The following ADGRF5 variants were observed in gnomAD, a reference collection of about 807,000 sequenced individuals.
ADGRF5 encodes the protein G-protein coupled receptor 116.
ADGRF5 carries 75 observed loss-of-function variants against 132.3 expected under a neutral mutation model. The ratio of observed to expected loss-of-function variants is 0.57; its 90% CI spans 0.47 to 0.69. ADGRF5 has a LOEUF of 0.69. Among genes scored for constraint, ADGRF5 ranks in the 30% least tolerant of loss-of-function variants. The pLI, the probability that ADGRF5 is intolerant of heterozygous loss-of-function variation, is 0.00. For missense variants in ADGRF5, 1,516 were observed against 1,630.6 expected (o/e 0.93, Z 1.21); for synonymous variants, 629 against 597.6 (o/e 1.05, Z -0.77).
intron 1 of ADGRF5, among the ~76,000 whole-genome samples, chr6:46,915,121 G>A (rs969298013): frequency 6.6e-6 from 1 of 151,980 alleles, no homozygotes; most frequent in Middle Eastern, 3.2e-3. Context: ...CTCCCAAAGT[G>A]CTGGGATTAT....
intron 1 of ADGRF5, among the ~76,000 whole-genome samples, chr6:46,920,143 T>C (rs1776788167): frequency 6.6e-6 from 1 of 152,246 alleles, no homozygotes; most frequent in Admixed American, 6.5e-5. Context: ...TGTTATTTTA[T>C]CTTCTCCCCT....
rs868314125 is a variant in ADGRF5 at position 46,910,449 on chromosome 6, C to T, written c.-24-3663G>A. Among the ~76,000 whole-genome samples, 3 of 152,200 alleles carry T rather than the reference C, an allele frequency of 2.0e-5. No homozygotes were observed. In the East Asian group the frequency reaches 5.8e-4, roughly 29 times the overall value. Reference sequence around the variant, plus strand: ...TGTAGGAGTCCTGTCTTACTGGGTGCTCACTATATTCTAGGTCTGCTGCTG... The same window carrying T: ...TGTAGGAGTCCTGTCTTACTGGGTGTTCACTATATTCTAGGTCTGCTGCTG... On this transcript the variant is annotated intron_variant, in intron 1 of 20. Coordinates refer to ENST00000283296, the MANE Select transcript of ADGRF5 (RefSeq NM_001098518.2).
At chr6:46,881,381 T>C in intron 8 of ADGRF5, 74 bp downstream of exon 8, 1 of 1,319,428 alleles carries the variant, frequency 7.6e-7, no homozygotes, top group Non-Finnish European at 1.1e-6. Context: ...CAGAGGACAT[T>C]GTAGCATAAA....
intron 14 of ADGRF5, 80 bp downstream of exon 14, chr6:46,864,962 G>T: frequency 1.1e-6 from 1 of 912,948 alleles, no homozygotes; most frequent in Non-Finnish European, 1.7e-6. Context: ...TTTATTGAAT[G>T]GGGATGAATG....
rs754995009 is a variant in ADGRF5 at position 46,856,775 on chromosome 6, T to C, written c.3819A>G (p.Val1273=). ...LLFGCLWDLK[V]QEALLNKFSL... is the part of the protein sequence containing the mutation. Reference sequence around the variant, plus strand: ...AAAACTTATTCAGCAAAGCTTCCTGTACCTGCATTGTTAAAAAGAAGCTAT... The same window carrying C: ...AAAACTTATTCAGCAAAGCTTCCTGCACCTGCATTGTTAAAAAGAAGCTAT... The change falls in exon 19 of 21, where the codon GTA becomes GTG. Residue 1273 remains valine, a splice_region_variant and synonymous_variant. Transcript: ENST00000283296. 1.3e-6 allele frequency: 2 copies of C among 1,593,960 alleles called. No individual in the cohort carries two copies. Among genetic ancestry groups the C allele is most frequent in the South Asian group, 1.1e-5 (1 of 90,522 alleles).
At chr6:46,945,116 A>G (rs1167531795) in intron 1 of ADGRF5, among the ~76,000 whole-genome samples, 1 of 152,216 alleles carries the variant, frequency 6.6e-6, no homozygotes. Flanking sequence ...CCTCAGGTGC[A>G]TGAATATGCA....
intron 4 of ADGRF5, 89 bp downstream of exon 4, chr6:46,888,246 G>A: frequency 1.1e-6 from 1 of 924,308 alleles, no homozygotes; most frequent in Non-Finnish European, 1.7e-6. Context: ...TGCCTACTAA[G>A]TAAAAGATTG....
At chr6:46,896,231 T>C (rs112686483) in intron 3 of ADGRF5, among the ~76,000 whole-genome samples, 374 of 152,322 alleles carry the variant, frequency 2.5e-3, no homozygotes, top group African/African-American at 8.2e-3. Flanking sequence ...ATCCAGAATC[T>C]ACTTCCTGAT....
intron 20 of ADGRF5, chr6:46,854,753 G>A (rs1370102715): frequency 4.7e-5 from 60 of 1,286,952 alleles, no homozygotes; most frequent in Middle Eastern, 3.2e-4. Context: ...CAAGGTTTCC[G>A]TCATGGCCTG....
At chr6:46,926,552 T>C (rs1440335188), upstream of ADGRF5, among the ~76,000 whole-genome samples, 2 of 152,138 alleles carry the variant, frequency 1.3e-5, no homozygotes, top group African/African-American at 4.8e-5. Flanking sequence ...TTGACCCTTA[T>C]TGATCTATCC....
chr6:46,903,740 C>A (rs1426710344), intron 2 of ADGRF5, among the ~76,000 whole-genome samples: 1 of 152,098 alleles, frequency 6.6e-6, no homozygotes, highest in Non-Finnish European at 1.5e-5. Flanking sequence ...CTCACATAAG[C>A]ATATTCAGAG....
At chr6:46,941,899 C>T (rs1396222681) in intron 1 of ADGRF5, among the ~76,000 whole-genome samples, 4 of 152,250 alleles carry the variant, frequency 2.6e-5, no homozygotes, top group Admixed American at 6.5e-5. Flanking sequence ...TTTTCTCTTC[C>T]GCTTTATTGA....
chr6:46,877,265 T>TTCTTTCTG (rs1771816386), intron 10 of ADGRF5, among the ~76,000 whole-genome samples: 1 of 38,900 alleles, frequency 2.6e-5, no homozygotes, highest in Non-Finnish European at 4.9e-5. Context: ...CTTTCTTTCT[T>TTCTTTCTG]TCTTTCTTTC....
At chr6:46,890,264 T>C (rs1040206429) in intron 3 of ADGRF5, among the ~76,000 whole-genome samples, 1 of 151,924 alleles carries the variant, frequency 6.6e-6, no homozygotes, top group East Asian at 2.0e-4. Context: ...AGCTAATTTC[T>C]GTACTTTTTG....
chr6:46,879,942 C>T lies in ADGRF5; in HGVS notation c.912G>A (p.Trp304Ter). 1 of 1,614,022 alleles carries T rather than the reference C, an allele frequency of 6.2e-7. No individual in the cohort carries two copies. Among genetic ancestry groups the T allele is most frequent in the Non-Finnish European group, 8.5e-7 (1 of 1,179,886 alleles). Residue 304 changes from tryptophan to a stop codon, truncating the protein, a stop_gained, in exon 9 of 21, where the codon TGG becomes TGA. Transcript: ENST00000283296. LOFTEE classifies it high-confidence loss of function. The part of the protein sequence containing the change: ...EKEVLSSNVS[W>*]RYEEQQLEIQ... ...TTTCCAACTGCTGTTCTTCATAGCGCCAAGACACATTGGAGGACAAAACTT... is the reference window on the plus strand; with the variant it reads ...TTTCCAACTGCTGTTCTTCATAGCGTCAAGACACATTGGAGGACAAAACTT...
At chr6:46,905,558 G>A (rs192200675) in intron 2 of ADGRF5, 57 of 152,044 alleles carry the variant, frequency 3.7e-4, no homozygotes, top group African/African-American at 1.4e-3. Flanking sequence ...TTGTTTACAA[G>A]AGAATCATAA....
At chr6:46,860,932 A>G (rs762322533) in intron 15 of ADGRF5, 38 bp from the exon 16 acceptor site, 11 of 1,540,230 alleles carry the variant, frequency 7.1e-6, no homozygotes, top group Admixed American at 5.7e-5. Context: ...AAAATTTACC[A>G]ATCAATTCAG....
intron 20 of ADGRF5, 116 bp downstream of exon 20, chr6:46,855,858 A>T: frequency 1.4e-6 from 1 of 691,162 alleles, no homozygotes; most frequent in South Asian, 1.6e-5. Context: ...TCTACCCCAA[A>T]AGAGGACATT....
At chr6:46,928,760 A>G (rs1215383283) in intron 1 of ADGRF5, among the ~76,000 whole-genome samples, 1 of 152,176 alleles carries the variant, frequency 6.6e-6, no homozygotes, top group Non-Finnish European at 1.5e-5. Flanking sequence ...ATCACTGGCC[A>G]TCAGAGAAAT....
Sources: allele counts gnomAD v4.1 joint callset (sites outside exome capture counted in the v4.1 genomes callset), GRCh38; gene constraint gnomAD v4.1.1; transcripts MANE v1.5; gene names NCBI Gene and HGNC (gene_info 2026-07-23, HGNC 2026-07-21).